The following TXLNG variants were observed in gnomAD, a reference collection of about 807,000 sequenced individuals.
The protein encoded by TXLNG is gamma-taxilin.
TXLNG carries 5 observed loss-of-function variants against 38.8 expected under a neutral mutation model. The observed-to-expected ratio is 0.13, with a 90% confidence interval of 0.07 to 0.27. The LOEUF (loss-of-function observed/expected upper bound fraction) is 0.27, where lower values mean the gene tolerates loss of function less well. Ranked by LOEUF, TXLNG falls within the 10% of genes least tolerant of loss-of-function variation. TXLNG has a pLI of 1.00. For missense variants in TXLNG, 393 were observed against 398.2 expected (o/e 0.99, Z 0.11); for synonymous variants, 182 against 158.2 (o/e 1.15, Z -1.13).
chrX:16,793,098 CAAA>C (rs995516017), intron 1 of TXLNG, among the ~76,000 whole-genome samples: 1 of 83,406 alleles, frequency 1.2e-5, no homozygotes, highest in Non-Finnish European at 2.4e-5. Context: ...GACTCCGTGT[CAAA>C]AAAAAAAAAA....
intron 4 of TXLNG, 88 bp from the exon 5 acceptor site, chrX:16,829,488 A>G: frequency 1.1e-6 from 1 of 921,695 alleles, no homozygotes; most frequent in Non-Finnish European, 1.5e-6. Context: ...CAGGGCAGCA[A>G]CAAATGAACC....
In TXLNG at chrX:16,832,749, T is replaced by A. The variant is rs1929459993; in HGVS notation, c.984+7T>A. On this transcript the variant is annotated splice_region_variant and intron_variant, in intron 6 of 9. Transcript: ENST00000380122. ...TCAGAGAGAGAGAGAGTTTGTAAGTTCTACTTCTTAAAAACAAAGACATTA... is the reference window on the plus strand; with the variant it reads ...TCAGAGAGAGAGAGAGTTTGTAAGTACTACTTCTTAAAAACAAAGACATTA... 1 of 1,174,243 alleles carries A rather than the reference T, an allele frequency of 8.5e-7. No individual in the cohort carries two copies. Among genetic ancestry groups the A allele is most frequent in the African/African-American group, 1.8e-5 (1 of 55,649 alleles).
intron 8 of TXLNG, among the ~76,000 whole-genome samples, chrX:16,837,951 T>C (rs751566981): frequency 4.5e-5 from 5 of 111,801 alleles, no homozygotes; most frequent in Admixed American, 1.9e-4. Flanking sequence ...GTTTTTTTGG[T>C]GTGTTGCTGT....
rs758299602 is a variant in TXLNG at position 16,797,437 on chromosome X, T to G, written c.102+10848T>G. Among the ~76,000 whole-genome samples the G allele has an allele frequency of 3.6e-5, 4 of 111,992 alleles. No homozygotes were observed. In the South Asian group the frequency reaches 1.5e-3, roughly 42 times the overall value. The stretch of plus-strand genomic sequence containing the variant: ...TAGCCAGGTCCTTTGCTTTAGGGTT[T>G]GTCGAGGGCTGTAGTCACCTGAAGG... On this transcript the variant is annotated intron_variant, in intron 1 of 9. Transcript: ENST00000380122.
chrX:16,842,542 T>G lies in TXLNG; in HGVS notation c.*776T>G, dbSNP rs1236821462. ...TTCTGATTTGGGATTTCAGTACATATTCTCCACTTCCCATAGAAGGCCACT... is the reference window on the plus strand; with the variant it reads ...TTCTGATTTGGGATTTCAGTACATAGTCTCCACTTCCCATAGAAGGCCACT... On this transcript the variant is annotated 3_prime_UTR_variant, in exon 10 of 10. Coordinates refer to ENST00000380122, the MANE Select transcript of TXLNG (RefSeq NM_018360.3). The G allele has an allele frequency of 8.9e-6, 1 of 111,812 alleles. No homozygotes were observed. Among genetic ancestry groups the G allele is most frequent in the Non-Finnish European group, 1.9e-5 (1 of 53,171 alleles). The allele number at this position is 111,812 out of a possible 1,213,427, so 9.2% of individuals were successfully genotyped here. A position where few individuals can be genotyped will look rare whatever the true frequency, so the allele number is the denominator to read the frequency against.
chrX:16,832,850 C>T (rs976595362), intron 6 of TXLNG, 108 bp downstream of exon 6: 1 of 995,714 alleles, frequency 1.0e-6, no homozygotes, highest in African/African-American at 1.9e-5. Flanking sequence ...ATCTATTCTA[C>T]CTTTAATGTA....
chrX:16,837,628 G>T lies in TXLNG; in HGVS notation c.1095G>T (p.Gln365His). The T allele has an allele frequency of 8.3e-7, 1 of 1,207,115 alleles. No individual in the cohort carries two copies. Among genetic ancestry groups the T allele is most frequent in the South Asian group, 1.8e-5 (1 of 55,903 alleles). Residue 365 changes from glutamine to histidine, a missense_variant, in exon 8 of 10, where the codon CAG becomes CAT. Coordinates refer to ENST00000380122, the MANE Select transcript of TXLNG (RefSeq NM_018360.3). The stretch of plus-strand genomic sequence containing the variant: ...ATATGGATAAGTTTGAAGAATTCCA[G>T]ACTACCATGGCAAAAAGCAATGAAC... ...SLYMDKFEEFQTTMAKSNELF... is the reference protein window; with the variant it reads ...SLYMDKFEEFHTTMAKSNELF...
At chrX:16,802,395 C>T (rs1159801824) in intron 1 of TXLNG, among the ~76,000 whole-genome samples, 1 of 108,395 alleles carries the variant, frequency 9.2e-6, no homozygotes, top group East Asian at 2.9e-4. Flanking sequence ...GGATTACAAG[C>T]ACACACCACC....
At chrX:16,809,281 T>G (rs1928425376) in intron 1 of TXLNG, among the ~76,000 whole-genome samples, 1 of 108,110 alleles carries the variant, frequency 9.2e-6, no homozygotes, top group South Asian at 4.1e-4. Flanking sequence ...TGCTTGAGAA[T>G]GCCCCCCACC....
At chrX:16,788,622 G>A (rs1466560989) in intron 1 of TXLNG, among the ~76,000 whole-genome samples, 2 of 109,010 alleles carry the variant, frequency 1.8e-5, no homozygotes, top group African/African-American at 3.3e-5. Flanking sequence ...AGCCTGGGCC[G>A]CAGAGTGAGA....
In TXLNG at chrX:16,837,682, A is replaced by G; in HGVS notation, c.1149A>G (p.Glu383=). Residue 383 remains glutamate (E), a synonymous_variant, in exon 8 of 10, where the codon GAA becomes GAG. Coordinates refer to ENST00000380122, the MANE Select transcript of TXLNG (RefSeq NM_018360.3). The stretch of plus-strand genomic sequence containing the variant: ...TTACAACCTTCAGACAGGAAATGGA[A>G]AAGGTATTTACATATTTTTAGTAGA... ...ELFTTFRQEM[E]KMTKKIKKLE... 8.5e-7 allele frequency: 1 copy of G among 1,181,575 alleles called. No individual in the cohort carries two copies.
At position 16,832,785 on chromosome X, in the gene TXLNG, T is replaced by G. The variant is rs376070001; in HGVS notation, c.984+43T>G. On this transcript the variant is annotated intron_variant, in intron 6 of 9. Coordinates refer to ENST00000380122, the MANE Select transcript of TXLNG (RefSeq NM_018360.3). Reference sequence around the variant, plus strand: ...AAAACAAAGACATTATTGCCAACATTGTAACTGAGGCCATTTGAAACATCA... The same window carrying G: ...AAAACAAAGACATTATTGCCAACATGGTAACTGAGGCCATTTGAAACATCA... 1.7e-5 allele frequency: 19 copies of G among 1,149,871 alleles called. No individual in the cohort carries two copies. The Admixed American group carries it at 1.9e-4, about 11-fold the overall frequency. 94.8% of individuals were successfully genotyped at this position (1,149,871 alleles called of 1,213,427 possible).
At chrX:16,834,939 G>A (rs948328783) in intron 7 of TXLNG, among the ~76,000 whole-genome samples, 4 of 110,204 alleles carry the variant, frequency 3.6e-5, no homozygotes, top group South Asian at 3.9e-4. Flanking sequence ...TCAGGAGTCC[G>A]AGGCGGCAGG....
At chrX:16,810,051 G>T (rs1291835783) in intron 1 of TXLNG, among the ~76,000 whole-genome samples, 2 of 111,716 alleles carry the variant, frequency 1.8e-5, no homozygotes, top group East Asian at 5.6e-4. Context: ...TTTACTAACT[G>T]TGACCTTAGG....
intron 1 of TXLNG, among the ~76,000 whole-genome samples, chrX:16,799,416 A>G (rs1928000236): frequency 9.0e-6 from 1 of 111,662 alleles, no homozygotes; most frequent in Non-Finnish European, 1.9e-5. Context: ...CTTTAGCTAT[A>G]CAATGGGGTA....
intron 1 of TXLNG, among the ~76,000 whole-genome samples, chrX:16,815,790 G>A (rs147727480): frequency 0.02 from 2,264 of 110,982 alleles, 20 homozygotes; most frequent in Non-Finnish European, 0.032. Context: ...CTCCCAAAGT[G>A]CTGGGATTAC....
At position 16,843,422 on chromosome X, in the gene TXLNG, G is replaced by A. The variant is rs1602409857; in HGVS notation, c.*1656G>A. The A allele has an allele frequency of 9.0e-6, 1 of 111,477 alleles. No individual in the cohort carries two copies. The highest frequency in any genetic ancestry group is 1.9e-5 in the Non-Finnish European group (1 of 53,104). The allele number at this position is 111,477 out of a possible 1,213,427, so 9.2% of individuals were successfully genotyped here. On this transcript the variant is annotated 3_prime_UTR_variant, in exon 10 of 10. Coordinates refer to ENST00000380122, the MANE Select transcript of TXLNG (RefSeq NM_018360.3). ...CAGTGGAGGAAAATAAATCCACAAA[G>A]TAGATTATCTAATTACCATCAAAAT...
chrX:16,796,553 A>C (rs772056037), intron 1 of TXLNG, among the ~76,000 whole-genome samples: 1 of 112,176 alleles, frequency 8.9e-6, no homozygotes, highest in Non-Finnish European at 1.9e-5. Flanking sequence ...CAGAGCAATG[A>C]AGGTCAAGGG....
chrX:16,792,812 A>G (rs1927749297), intron 1 of TXLNG, among the ~76,000 whole-genome samples: 2 of 109,493 alleles, frequency 1.8e-5, no homozygotes, highest in African/African-American at 3.3e-5. Flanking sequence ...AATAAAAAGT[A>G]TAGGCCAGGC....
Sources: gnomAD v4.1 joint callset for allele counts (sites outside exome capture counted in the v4.1 genomes callset) on GRCh38, gnomAD v4.1.1 for gene constraint, MANE v1.5 for transcripts, NCBI Gene and HGNC (gene_info 2026-07-23, HGNC 2026-07-21) for gene names.